Variants in JPH2 observed in about 807,000 individuals in gnomAD.
The protein encoded by JPH2 is junctophilin-2.
Under a neutral mutation model 55.9 loss-of-function variants are expected in JPH2, and 38 were observed. The ratio of observed to expected loss-of-function variants is 0.68; its 90% CI spans 0.52 to 0.89. The LOEUF (loss-of-function observed/expected upper bound fraction) is 0.89. Ranked by LOEUF, JPH2 falls within the 40% of genes least tolerant of loss-of-function variation. JPH2 has a pLI of 0.00. For synonymous variants in JPH2, 480 were observed against 472.4 expected (o/e 1.02, Z -0.21); for missense variants, 964 against 1,037.6 (o/e 0.93, Z 0.97).
chr20:44,178,425 G>A (rs2072753152), intron 1 of JPH2, among the ~76,000 whole-genome samples: 1 of 152,194 alleles, frequency 6.6e-6, no homozygotes, highest in South Asian at 2.1e-4. Flanking sequence ...AAACATTGCT[G>A]CGTGAAATTA....
At chr20:44,162,466 A>T (rs1337434424) in intron 1 of JPH2, among the ~76,000 whole-genome samples, 1 of 152,050 alleles carries the variant, frequency 6.6e-6, no homozygotes, top group Non-Finnish European at 1.5e-5. Context: ...CATTTGAGTC[A>T]GTGGGCTGGG....
rs1477677876 is a variant in JPH2 at position 44,134,578 on chromosome 20, TTATA to T, written c.1170-15959_1170-15956del. On this transcript the variant is annotated intron_variant, in intron 2 of 5. Transcript: ENST00000372980. ...ATATATATAAATAAATATATATTTA[TTATA>T]AATATATATAAATATATATTTATTA... 6.7e-5 allele frequency among the ~76,000 whole-genome samples: 2 copies of T among 29,824 alleles called. 1 individual carries two copies. Among genetic ancestry groups the T allele is most frequent in the Non-Finnish European group, 1.1e-4 (2 of 18,998 alleles). 19.6% of individuals were successfully genotyped at this position (29,824 alleles called of 152,430 possible).
intron 2 of JPH2, among the ~76,000 whole-genome samples, chr20:44,131,838 G>A (rs1374165753): frequency 6.6e-6 from 1 of 152,082 alleles, no homozygotes; most frequent in Non-Finnish European, 1.5e-5. Context: ...AGTCCCAAAT[G>A]ACTTCTGGAA....
At chr20:44,136,221 T>C (rs1322215157) in intron 2 of JPH2, among the ~76,000 whole-genome samples, 1 of 152,128 alleles carries the variant, frequency 6.6e-6, no homozygotes, top group Admixed American at 6.5e-5. Context: ...GCCTCATGCT[T>C]GGGGAACCTG....
At chr20:44,157,596 G>C (rs58213738) in intron 2 of JPH2, among the ~76,000 whole-genome samples, 4 of 152,150 alleles carry the variant, frequency 2.6e-5, no homozygotes, top group African/African-American at 9.7e-5. Flanking sequence ...CTGCACTGTC[G>C]TTCCTAACCC....
intron 2 of JPH2, among the ~76,000 whole-genome samples, chr20:44,143,273 C>A (rs1275460753): frequency 1.3e-5 from 2 of 152,094 alleles, no homozygotes; most frequent in East Asian, 3.9e-4. Context: ...GGAATTTCTC[C>A]TGAAAGCAAC....
chr20:44,137,434 G>A (rs959129195), intron 2 of JPH2, among the ~76,000 whole-genome samples: 4 of 152,196 alleles, frequency 2.6e-5, no homozygotes, highest in Non-Finnish European at 5.9e-5. Flanking sequence ...GGCTCGGCTG[G>A]GGCATTCCAG....
chr20:44,118,363 C>T, intron 3 of JPH2, 142 bp downstream of exon 3: 1 of 770,744 alleles, frequency 1.3e-6, no homozygotes, highest in Non-Finnish European at 2.3e-6. Flanking sequence ...ATCATCCCAT[C>T]CCACATTTGC....
chr20:44,116,084 C>T lies in JPH2; in HGVS notation c.1591G>A (p.Gly531Ser). 1 of 1,519,458 alleles carries T rather than the reference C, an allele frequency of 6.6e-7. No homozygotes were observed. Among genetic ancestry groups the T allele is most frequent in the South Asian group, 1.2e-5 (1 of 80,110 alleles). 94.1% of individuals were successfully genotyped at this position (1,519,458 alleles called of 1,614,324 possible). ...SRSVTPSEGA[G>S]RRSPARPATE... ...GCTGGACGCGCGGGGCTGCGGCGGC[C>T]CGCGCCCTCGGACGGAGTGACTGAC... Residue 531 changes from glycine to serine, a missense_variant, in exon 4 of 6, where the codon GGC becomes AGC. Gly to Ser is a moderately conservative substitution (Grantham distance 56). Coordinates refer to ENST00000372980, the MANE Select transcript of JPH2 (RefSeq NM_020433.5).
At chr20:44,170,665 T>C (rs2072690768) in intron 1 of JPH2, among the ~76,000 whole-genome samples, 1 of 152,164 alleles carries the variant, frequency 6.6e-6, no homozygotes, top group Admixed American at 6.6e-5. Context: ...ATAAAGACTA[T>C]GGACCCAGCA....
At chr20:44,128,144 T>C (rs1569188184) in intron 2 of JPH2, among the ~76,000 whole-genome samples, 1 of 152,266 alleles carries the variant, frequency 6.6e-6, no homozygotes, top group Non-Finnish European at 1.5e-5. Context: ...CTTTTGTCAC[T>C]TGTGCTTTTG....
At position 44,109,837 on chromosome 20, in the gene JPH2, C is replaced by T. The variant is rs1291784993; in HGVS notation, c.*3681G>A. Among the ~76,000 whole-genome samples, 13 of 152,164 alleles carry T rather than the reference C, an allele frequency of 8.5e-5. No individual in the cohort carries two copies. The highest frequency in any genetic ancestry group is 8.5e-4 in the Admixed American group (13 of 15,272). ...TCTGTGGGTCCATCAGATTATGAAA[C>T]TTCCCTTCTTGCCCGAATCCCAAAT... is the stretch of plus-strand genomic sequence containing the variant. On this transcript the variant is annotated 3_prime_UTR_variant, in exon 6 of 6. Coordinates refer to ENST00000372980, the MANE Select transcript of JPH2 (RefSeq NM_020433.5).
chr20:44,182,041 T>A (rs2072788294), intron 1 of JPH2, among the ~76,000 whole-genome samples: 1 of 152,246 alleles, frequency 6.6e-6, no homozygotes, highest in Non-Finnish European at 1.5e-5. Flanking sequence ...TACTAAGTAC[T>A]CATTCATCCC....
In JPH2 at chr20:44,144,959, C is replaced by T. The variant is rs1295769447; in HGVS notation, c.1169+14659G>A. On this transcript the variant is annotated intron_variant, in intron 2 of 5. Transcript: ENST00000372980. ...CCACGGGGCAGGTTCTCTCATGATC[C>T]CCACCTTAGAGATGAAGAAATGGAG... Among the ~76,000 whole-genome samples the T allele has an allele frequency of 8.1e-5, 9 of 111,614 alleles. 1 individual carries two copies. In the Admixed American group the frequency reaches 9.6e-4, roughly 12 times the overall value. The allele number at this position is 111,614 out of a possible 152,430, so 73.2% of individuals were successfully genotyped here.
At chr20:44,181,338 G>A (rs1407397862) in intron 1 of JPH2, among the ~76,000 whole-genome samples, 2 of 152,112 alleles carry the variant, frequency 1.3e-5, no homozygotes, top group African/African-American at 4.8e-5. Flanking sequence ...AAACACACAC[G>A]AACTCTCACA....
At chr20:44,161,663 TG>T (rs1013083837) in intron 1 of JPH2, among the ~76,000 whole-genome samples, 4 of 152,000 alleles carry the variant, frequency 2.6e-5, no homozygotes, top group African/African-American at 9.7e-5. Flanking sequence ...TGTGATACTG[TG>T]ATTCTACAAA....
At chr20:44,166,829 C>T (rs887927382) in intron 1 of JPH2, among the ~76,000 whole-genome samples, 7 of 152,220 alleles carry the variant, frequency 4.6e-5, no homozygotes, top group Non-Finnish European at 1.5e-5. Flanking sequence ...GAAGGGCCTC[C>T]TCCGATACCC....
chr20:44,129,573 A>G (rs7348345), intron 2 of JPH2, among the ~76,000 whole-genome samples: 4 of 112,408 alleles, frequency 3.6e-5, no homozygotes. Context: ...AAAAAAACAA[A>G]AAAAACAAAA....
At chr20:44,115,319 G>A (rs144786773) in intron 4 of JPH2, among the ~76,000 whole-genome samples, 21 of 152,212 alleles carry the variant, frequency 1.4e-4, no homozygotes, top group African/African-American at 5.1e-4. Flanking sequence ...CCTTGTAGCA[G>A]ATGCTGCTGG....
Sources: allele counts gnomAD v4.1 joint callset (sites outside exome capture counted in the v4.1 genomes callset), GRCh38; gene constraint gnomAD v4.1.1; transcripts MANE v1.5; gene names NCBI Gene and HGNC (gene_info 2026-07-23, HGNC 2026-07-21).